SREBF2: variants seen among roughly 807,000 people sequenced by gnomAD.
The protein encoded by SREBF2 is sterol regulatory element binding transcription factor 2.
SREBF2 carries 55 observed loss-of-function variants against 113.1 expected under a neutral mutation model. That is an observed-to-expected ratio of 0.49 (90% confidence interval 0.39 to 0.61). The LOEUF is 0.61. SREBF2 is among the 20% of genes least tolerant of loss of function. The pLI, the probability that SREBF2 is intolerant of heterozygous loss-of-function variation, is 0.00. For missense variants in SREBF2, 1,349 were observed against 1,487.4 expected, an observed-to-expected ratio of 0.91 and a Z score of 1.53; for synonymous variants, 593 against 605.7, an observed-to-expected ratio of 0.98 and a Z score of 0.31.
At chr22:41,848,459 T>C (rs1327891596) in intron 1 of SREBF2, among the ~76,000 whole-genome samples, 4 of 152,144 alleles carry the variant, frequency 2.6e-5, no homozygotes, top group Non-Finnish European at 5.9e-5. Context: ...CTTTCAAACA[T>C]GGGATGACAA....
At chr22:41,892,477 G>A (rs906207382) in intron 11 of SREBF2, among the ~76,000 whole-genome samples, 38 of 151,818 alleles carry the variant, frequency 2.5e-4, no homozygotes, top group African/African-American at 6.5e-4. Flanking sequence ...GTGAAACCCC[G>A]TCTCTACTAA....
chr22:41,899,538 G>A (rs2077446629), intron 15 of SREBF2: 1 of 992,490 alleles, frequency 1.0e-6, no homozygotes, highest in African/African-American at 1.7e-5. Flanking sequence ...CGGCGCACAG[G>A]AAGGAGCTGA....
chr22:41,867,374 T>C, intron 2 of SREBF2, 94 bp downstream of exon 2: 1 of 1,361,096 alleles, frequency 7.3e-7, no homozygotes, highest in Non-Finnish European at 1.0e-6. Context: ...TCTTCAGGAA[T>C]GGCAGGTATA....
chr22:41,855,247 A>G (rs1282756913), intron 1 of SREBF2, among the ~76,000 whole-genome samples: 2 of 152,116 alleles, frequency 1.3e-5, no homozygotes, highest in Non-Finnish European at 2.9e-5. Context: ...CTAGGGCCAG[A>G]TTCCGTGGTT....
At chr22:41,886,483 C>T (rs1213650419) in intron 11 of SREBF2, among the ~76,000 whole-genome samples, 1 of 152,172 alleles carries the variant, frequency 6.6e-6, no homozygotes, top group African/African-American at 2.4e-5. Flanking sequence ...GTTTTGAAGA[C>T]ATTCATTTTA....
rs9607851 is a variant in SREBF2, at chr22:41,850,526, C to G, written c.89-16305C>G. Reference sequence around the variant, plus strand: ...CCCCAAATCTCCTTTGTTGTCACTCCGAGTCTGTCTTACAGCTTTTCCCCA... The same window carrying G: ...CCCCAAATCTCCTTTGTTGTCACTCGGAGTCTGTCTTACAGCTTTTCCCCA... On this transcript the variant is annotated intron_variant, in intron 1 of 18. Transcript: ENST00000361204. Among the ~76,000 whole-genome samples the G allele has an allele frequency of 7.8e-3, 1,188 of 151,984 alleles. 6 individuals carry two copies. The highest frequency in any genetic ancestry group is 0.018 in the South Asian group (87 of 4,810).
chr22:41,855,212 T>G (rs995161710), intron 1 of SREBF2, among the ~76,000 whole-genome samples: 1 of 152,086 alleles, frequency 6.6e-6, no homozygotes, highest in Non-Finnish European at 1.5e-5. Context: ...AATGCAGGAA[T>G]AAGATTGCAA....
intron 1 of SREBF2, among the ~76,000 whole-genome samples, chr22:41,839,576 G>T (rs1462945444): frequency 6.6e-6 from 1 of 152,206 alleles, no homozygotes; most frequent in African/African-American, 2.4e-5. Flanking sequence ...GCAGGTGGAA[G>T]CAAGTAGTTC....
At chr22:41,871,132 T>C (rs2077136729) in intron 4 of SREBF2, 97 bp downstream of exon 4, 3 of 1,518,928 alleles carry the variant, frequency 2.0e-6, no homozygotes, top group Non-Finnish European at 2.7e-6. Flanking sequence ...TGAGTAGGTA[T>C]GGGAGGGTCT....
intron 1 of SREBF2, among the ~76,000 whole-genome samples, chr22:41,842,544 A>G (rs890755306): frequency 6.6e-6 from 1 of 152,204 alleles, no homozygotes; most frequent in South Asian, 2.1e-4. Context: ...GTCTTCTGCT[A>G]TTAAAAACAA....
chr22:41,858,254 C>T (rs1222505536), intron 1 of SREBF2, among the ~76,000 whole-genome samples: 2 of 152,058 alleles, frequency 1.3e-5, no homozygotes, highest in African/African-American at 2.4e-5. Flanking sequence ...TGTTGGGCAG[C>T]TCTAATATGA....
Position 41,878,109 on chromosome 22 carries a change from C to G in SREBF2, c.1747C>G (p.Leu583Val). 6.2e-7 allele frequency: 1 copy of G among 1,614,134 alleles called. No homozygotes were observed. The highest frequency in any genetic ancestry group is 8.5e-7 in the Non-Finnish European group (1 of 1,180,044). Residue 583 changes from leucine to valine, a missense_variant, in exon 9 of 19, where the codon CTG (leucine) becomes GTG (valine). By Grantham distance (32) the Leu-to-Val change is conservative. Coordinates refer to ENST00000361204, the MANE Select transcript of SREBF2 (RefSeq NM_004599.4). ...TFWRHRKQAD[L>V]DLARGDFAAA... is the part of the protein sequence containing the mutation. The stretch of plus-strand genomic sequence containing the variant: ...CTGGAGGCACCGGAAACAGGCAGAT[C>G]TGGATCTCGCCAGAGTGAGTTCTGT...
At chr22:41,880,375 A>G (rs1448250054) in intron 9 of SREBF2, among the ~76,000 whole-genome samples, 1 of 150,250 alleles carries the variant, frequency 6.7e-6, no homozygotes, top group Non-Finnish European at 1.5e-5. Flanking sequence ...AACATGGTGA[A>G]ACCCTGTCTC....
intron 1 of SREBF2, among the ~76,000 whole-genome samples, chr22:41,834,947 T>C (rs1191209678): frequency 6.6e-6 from 1 of 152,148 alleles, no homozygotes; most frequent in Non-Finnish European, 1.5e-5. Context: ...AGAACTGTTA[T>C]ACTTGTCATC....
At chr22:41,904,117 G>A (rs1033644772) in intron 17 of SREBF2, among the ~76,000 whole-genome samples, 23 of 152,192 alleles carry the variant, frequency 1.5e-4, no homozygotes, top group Admixed American at 5.2e-4. Flanking sequence ...GCCTCAAGCT[G>A]TCCTCCTGCC....
intron 17 of SREBF2, among the ~76,000 whole-genome samples, chr22:41,903,760 G>A (rs538108045): frequency 6.6e-6 from 1 of 152,266 alleles, no homozygotes; most frequent in Admixed American, 6.5e-5. Flanking sequence ...GTCATTGAGG[G>A]GGCACGGGCT....
At chr22:41,856,171 G>C (rs2076975935) in intron 1 of SREBF2, among the ~76,000 whole-genome samples, 1 of 151,868 alleles carries the variant, frequency 6.6e-6, no homozygotes, top group Admixed American at 6.6e-5. Flanking sequence ...CTGTCACCCA[G>C]GTTGGAGTAC....
At chr22:41,879,145 G>A (rs2077223555) in intron 9 of SREBF2, among the ~76,000 whole-genome samples, 1 of 152,186 alleles carries the variant, frequency 6.6e-6, no homozygotes, top group African/African-American at 2.4e-5. Flanking sequence ...ACAGGCATGA[G>A]CCACCACGCC....
intron 17 of SREBF2, 122 bp downstream of exon 17, chr22:41,903,277 T>TCA: frequency 8.2e-7 from 1 of 1,226,286 alleles, no homozygotes; most frequent in Non-Finnish European, 1.2e-6. Context: ...CCTGGTGACC[T>TCA]GTCGAGCACC....
Sources: gnomAD v4.1 joint callset for allele counts (sites outside exome capture counted in the v4.1 genomes callset) on GRCh38, gnomAD v4.1.1 for gene constraint, MANE v1.5 for transcripts, NCBI Gene and HGNC (gene_info 2026-07-23, HGNC 2026-07-21) for gene names.